Variants in LRRC4C observed in about 807,000 individuals in gnomAD.
LRRC4C encodes leucine-rich repeat-containing protein 4C.
A neutral mutation model predicts 33.6 loss-of-function variants in LRRC4C; 5 were observed. That is an observed-to-expected ratio of 0.15 (90% CI 0.08 to 0.31). The LOEUF is 0.31. LRRC4C is among the 10% of genes least tolerant of loss of function. The pLI is 1.00. For missense variants in LRRC4C, 560 were observed against 796.7 expected (o/e 0.70, Z 3.58); for synonymous variants, 329 against 302.0 (o/e 1.09, Z -0.93).
chr11:40,271,676 C>T (rs992461913), intron 4 of LRRC4C, among the ~76,000 whole-genome samples: 1 of 152,156 alleles, frequency 6.6e-6, no homozygotes, highest in Non-Finnish European at 1.5e-5. Flanking sequence ...GGGTATAACA[C>T]ACTCATTCTT....
chr11:41,328,025 AGG>A (rs1951175905), intron 1 of LRRC4C, among the ~76,000 whole-genome samples: 1 of 152,138 alleles, frequency 6.6e-6, no homozygotes, highest in Non-Finnish European at 1.5e-5. Flanking sequence ...CACCCTTTGT[AGG>A]CACCATGTCC....
intron 2 of LRRC4C, among the ~76,000 whole-genome samples, chr11:40,717,669 G>T (rs558810949): frequency 6.6e-6 from 1 of 152,052 alleles, no homozygotes; most frequent in Non-Finnish European, 1.5e-5. Flanking sequence ...GGTTTACCCC[G>T]TGTAGTCTTC....
At chr11:40,452,398 G>A (rs886342792) in intron 3 of LRRC4C, among the ~76,000 whole-genome samples, 37 of 152,192 alleles carry the variant, frequency 2.4e-4, no homozygotes, top group Non-Finnish European at 4.4e-4. Context: ...CTCAAAAGAA[G>A]ACATTTATGC....
chr11:40,537,282 G>C (rs763763844), intron 3 of LRRC4C, among the ~76,000 whole-genome samples: 8 of 152,134 alleles, frequency 5.3e-5, no homozygotes, highest in Non-Finnish European at 7.4e-5. Context: ...CAGTGCTGTG[G>C]TAAATACCAC....
chr11:40,937,292 C>A (rs1373676084), intron 1 of LRRC4C, among the ~76,000 whole-genome samples: 2 of 115,398 alleles, frequency 1.7e-5, no homozygotes, highest in East Asian at 3.0e-4. Flanking sequence ...AATGTTGGAA[C>A]AACAGATGCT....
rs867524270 is a variant in LRRC4C, at chr11:40,546,177, C to A, written c.-270+101965G>T. On this transcript the variant is annotated intron_variant, in intron 3 of 6. Transcript: ENST00000528697. ...CTCTCTAATTTACTTATTTTCTATGCAATATTCCAGTTAACAATAAACAAA... is the reference window on the plus strand; with the variant it reads ...CTCTCTAATTTACTTATTTTCTATGAAATATTCCAGTTAACAATAAACAAA... Among the ~76,000 whole-genome samples the A allele has an allele frequency of 2.7e-5, 4 of 149,898 alleles. No homozygotes were observed. The South Asian group carries it at 8.5e-4, about 32-fold the overall frequency.
chr11:41,080,403 G>C (rs920246093), intron 1 of LRRC4C, among the ~76,000 whole-genome samples: 18 of 142,584 alleles, frequency 1.3e-4, no homozygotes, highest in African/African-American at 4.2e-4. Context: ...CCAGGGTGGA[G>C]TGCAATGGCA....
At chr11:40,904,058 C>T (rs1482807040) in intron 2 of LRRC4C, among the ~76,000 whole-genome samples, 2 of 152,088 alleles carry the variant, frequency 1.3e-5, no homozygotes, top group Non-Finnish European at 2.9e-5. Context: ...GACTGAATTG[C>T]TGCAATGTCA....
intron 1 of LRRC4C, among the ~76,000 whole-genome samples, chr11:41,008,529 T>C (rs1854931980): frequency 1.3e-5 from 2 of 152,206 alleles, no homozygotes; most frequent in Non-Finnish European, 2.9e-5. Context: ...ACTTGTATTC[T>C]GCAGACCTCC....
At chr11:40,283,845 T>G (rs1943653210) in intron 4 of LRRC4C, among the ~76,000 whole-genome samples, 1 of 151,738 alleles carries the variant, frequency 6.6e-6, no homozygotes, top group Admixed American at 6.6e-5. Context: ...GCTGGGACTA[T>G]AGGCACGTGC....
At chr11:41,332,278 C>T (rs1202531205) in intron 1 of LRRC4C, among the ~76,000 whole-genome samples, 2 of 152,118 alleles carry the variant, frequency 1.3e-5, no homozygotes, top group African/African-American at 2.4e-5. Flanking sequence ...TTATAACAAG[C>T]ACAAACTAGA....
chr11:41,328,080 C>A (rs1951177739), intron 1 of LRRC4C, among the ~76,000 whole-genome samples: 1 of 152,102 alleles, frequency 6.6e-6, no homozygotes, highest in Non-Finnish European at 1.5e-5. Flanking sequence ...TCTGGGAGGC[C>A]CTAGAGAATG....
chr11:40,129,599 C>T (rs1856506616), intron 6 of LRRC4C, among the ~76,000 whole-genome samples: 1 of 152,154 alleles, frequency 6.6e-6, no homozygotes, highest in Non-Finnish European at 1.5e-5. Flanking sequence ...GATTAGCTTT[C>T]AGGTCACTGC....
intron 1 of LRRC4C, among the ~76,000 whole-genome samples, chr11:41,318,010 A>G (rs1410549483): frequency 6.6e-6 from 1 of 152,222 alleles, no homozygotes; most frequent in African/African-American, 2.4e-5. Flanking sequence ...AGTGAAAAGT[A>G]GAACATGCAT....
intron 3 of LRRC4C, among the ~76,000 whole-genome samples, chr11:40,386,695 T>C (rs1020571072): frequency 6.6e-6 from 1 of 152,200 alleles, no homozygotes; most frequent in African/African-American, 2.4e-5. Context: ...GCTTTTATTT[T>C]CATTATATCA....
intron 1 of LRRC4C, among the ~76,000 whole-genome samples, chr11:40,939,199 A>C (rs1958036176): frequency 6.6e-6 from 1 of 152,140 alleles, no homozygotes; most frequent in African/African-American, 2.4e-5. Flanking sequence ...TGTTTTCACA[A>C]TGCTGTTTAA....
intron 2 of LRRC4C, among the ~76,000 whole-genome samples, chr11:40,844,673 T>C (rs925438515): frequency 2.0e-5 from 3 of 152,202 alleles, no homozygotes; most frequent in Non-Finnish European, 2.9e-5. Context: ...TTAGGAATCA[T>C]TACTTTCTCA....
chr11:40,336,680 G>A (rs1295275622), intron 3 of LRRC4C, among the ~76,000 whole-genome samples: 1 of 152,080 alleles, frequency 6.6e-6, no homozygotes, highest in Non-Finnish European at 1.5e-5. Context: ...GTGCAATGCA[G>A]AAGAGCGAAT....
At chr11:41,194,627 G>GC (rs1227187978) in intron 1 of LRRC4C, among the ~76,000 whole-genome samples, 2 of 151,980 alleles carry the variant, frequency 1.3e-5, no homozygotes, top group South Asian at 2.1e-4. Context: ...AGAAGCAGAG[G>GC]CCCCCAGGCC....
Sources: allele counts gnomAD v4.1 joint callset (sites outside exome capture counted in the v4.1 genomes callset), GRCh38; gene constraint gnomAD v4.1.1; transcripts MANE v1.5; gene names NCBI Gene and HGNC (gene_info 2026-07-23, HGNC 2026-07-21).